The following HHIPL1 variants were observed in gnomAD, a reference collection of about 807,000 sequenced individuals.
HHIPL1 encodes the protein HHIP like 1, also known as HHIP-like protein 1.
Under a neutral mutation model 61.8 loss-of-function variants are expected in HHIPL1, and 43 were observed. The observed-to-expected ratio is 0.70, with a 90% CI of 0.55 to 0.90. The LOEUF (loss-of-function observed/expected upper bound fraction) is 0.90, where lower values mean the gene tolerates loss of function less well. HHIPL1 is among the 40% of genes least tolerant of loss of function. The pLI, the probability that HHIPL1 is intolerant of heterozygous loss-of-function variation, is 0.00. For synonymous variants in HHIPL1, 482 were observed against 515.8 expected (o/e 0.93, Z 0.89); for missense variants, 1,056 against 1,157.7 (o/e 0.91, Z 1.28).
At chr14:99,604,618 A>G in the HHIPL1 span, 148 of 152,032 alleles carry the variant, frequency 9.7e-4, no homozygotes, top group African/African-American at 3.5e-3. Flanking sequence ...AAATGCAGGT[A>G]CGGCTGCGGG....
intron 6 of HHIPL1, among the ~76,000 whole-genome samples, chr14:99,664,316 C>T (rs936911508): frequency 1.3e-5 from 2 of 152,234 alleles, no homozygotes; most frequent in Admixed American, 1.3e-4. Context: ...TCCAAAAAGG[C>T]AGCCCCCAGC....
At chr14:99,654,972 G>A (rs551396041) in intron 2 of HHIPL1, among the ~76,000 whole-genome samples, 1 of 152,286 alleles carries the variant, frequency 6.6e-6, no homozygotes, top group Admixed American at 6.5e-5. Context: ...TTTCAGAGTG[G>A]GGGCTCAGCA....
intron 1 of HHIPL1, among the ~76,000 whole-genome samples, chr14:99,645,704 C>G (rs1445043353): frequency 6.6e-6 from 1 of 152,222 alleles, no homozygotes; most frequent in Non-Finnish European, 1.5e-5. Context: ...CCTCCTGAAG[C>G]AGGAAGGACG....
At chr14:99,673,892 G>A (rs1458460500) in intron 8 of HHIPL1, among the ~76,000 whole-genome samples, 2 of 126,282 alleles carry the variant, frequency 1.6e-5, no homozygotes, top group Non-Finnish European at 3.4e-5. Flanking sequence ...GTGCACCTGG[G>A]GGAGTGCACT....
chr14:99,670,325 T>C (rs780515499), intron 7 of HHIPL1, among the ~76,000 whole-genome samples: 3 of 152,238 alleles, frequency 2.0e-5, no homozygotes, highest in South Asian at 2.1e-4. Context: ...TTGGCTAGGC[T>C]GGTCTTAAAC....
rs2056384996 is a variant in HHIPL1 at position 99,675,745 on chromosome 14, G to A, written c.*119G>A. On this transcript the variant is annotated 3_prime_UTR_variant, in exon 9 of 9. Transcript: ENST00000330710. The surrounding 1 kb of genome is among the most constrained non-coding windows in gnomAD (Gnocchi z 5.4). ...TAGAGTGAAGGGGGTGCGGGTGTGT[G>A]CTGTCCTGGGGACATGTGTGAGGCG... 10 of 1,050,028 alleles carry A rather than the reference G, an allele frequency of 9.5e-6. No individual in the cohort carries two copies. The highest frequency in any genetic ancestry group is 1.3e-5 in the Non-Finnish European group (10 of 752,918). 65.0% of individuals were successfully genotyped at this position (1,050,028 alleles called of 1,614,324 possible). A position where few individuals can be genotyped will look rare whatever the true frequency, so the allele number is the denominator to read the frequency against.
chr14:99,631,264 G>C, the HHIPL1 span, among the ~76,000 whole-genome samples: 1 of 151,818 alleles, frequency 6.6e-6, no homozygotes, highest in Non-Finnish European at 1.5e-5. Flanking sequence ...ACCCGGCTAA[G>C]TTTTGTATTT....
the HHIPL1 span, among the ~76,000 whole-genome samples, chr14:99,609,441 A>G: frequency 6.6e-6 from 1 of 152,222 alleles, no homozygotes; most frequent in Non-Finnish European, 1.5e-5. Context: ...TGAAACAAGG[A>G]TTGTCCAGGA....
the HHIPL1 span, among the ~76,000 whole-genome samples, chr14:99,626,373 C>T: frequency 6.6e-6 from 1 of 152,200 alleles, no homozygotes; most frequent in Non-Finnish European, 1.5e-5. Flanking sequence ...CATCAGGATT[C>T]CAGCTGGATC....
At chr14:99,663,627 G>A (rs1273962059) in intron 6 of HHIPL1, among the ~76,000 whole-genome samples, 1 of 152,156 alleles carries the variant, frequency 6.6e-6, no homozygotes, top group Middle Eastern at 3.2e-3. Flanking sequence ...AACCCAGTAG[G>A]TTTCAGCCTT....
At position 99,672,397 on chromosome 14, in the gene HHIPL1, AAAGT is replaced by A. The variant is rs1198714971; in HGVS notation, c.1813+3_1813+6del. On this transcript the variant is annotated splice_donor_variant and coding_sequence_variant, in exon 8 of 9. Coordinates refer to ENST00000330710, the MANE Select transcript of HHIPL1 (RefSeq NM_001127258.3). LOFTEE classifies it high-confidence loss of function. Reference sequence around the variant, plus strand: ...CGTCTCATCCCCTTTGTGCCCAAAGAAAGTAAGTGCCTGCCAGTGGGACACTGAG... The same window carrying A: ...CGTCTCATCCCCTTTGTGCCCAAAGAAAGTGCCTGCCAGTGGGACACTGAG... 6.4e-7 allele frequency: 1 copy of A among 1,550,684 alleles called. No individual in the cohort carries two copies. The highest frequency in any genetic ancestry group is 8.7e-7 in the Non-Finnish European group (1 of 1,146,630).
At chr14:99,654,452 G>T (rs2055995034) in intron 2 of HHIPL1, among the ~76,000 whole-genome samples, 1 of 152,176 alleles carries the variant, frequency 6.6e-6, no homozygotes, top group African/African-American at 2.4e-5. Context: ...AAACCCCAGT[G>T]CTCCTCCCTC....
At position 99,675,213 on chromosome 14, in the gene HHIPL1, C is replaced by T. The variant is rs989404654; in HGVS notation, c.1936C>T (p.Gln646Ter). 3.4e-6 allele frequency: 4 copies of T among 1,184,240 alleles called. No homozygotes were observed. The highest frequency in any genetic ancestry group is 3.1e-6 in the Non-Finnish European group (3 of 954,414). The allele number at this position is 1,184,240 out of a possible 1,614,324, so 73.4% of individuals were successfully genotyped here. Residue 646 changes from glutamine to a stop codon, truncating the protein, a stop_gained, in exon 9 of 9, where the codon CAG becomes TAG. Coordinates refer to ENST00000330710, the MANE Select transcript of HHIPL1 (RefSeq NM_001127258.3). LOFTEE classifies it low-confidence loss of function (END_TRUNC). The surrounding 1 kb of genome is among the most constrained non-coding windows in gnomAD (Gnocchi z 5.4). The part of the protein sequence containing the change: ...APTPRPARPT[Q>*]QPGSRRGGGR... ...AACCCCGCGGCCAGCGCGGCCCACC[C>T]AGCAGCCAGGGAGCCGGAGGGGCGG...
chr14:99,622,692 T>A, the HHIPL1 span, among the ~76,000 whole-genome samples: 3 of 152,092 alleles, frequency 2.0e-5, no homozygotes, highest in Non-Finnish European at 4.4e-5. Flanking sequence ...GGGTCCTGAG[T>A]TCCCAAAAAC....
chr14:99,657,957 A>C (rs1167529833), intron 3 of HHIPL1, among the ~76,000 whole-genome samples: 1 of 152,144 alleles, frequency 6.6e-6, no homozygotes, highest in Non-Finnish European at 1.5e-5. Flanking sequence ...ACATACATAC[A>C]TACCTTCACA....
At chr14:99,631,048 TTTTCTTTCTTTCTTTCTTTC>T in the HHIPL1 span, among the ~76,000 whole-genome samples, 1,811 of 120,490 alleles carry the variant, frequency 0.015, 28 homozygotes, top group South Asian at 0.078. Flanking sequence ...AGTGGCTCCA[TTTTCTTTCTTTCTTTCTTTC>T]TTTCTTTCTT....
chr14:99,673,122 G>A (rs2056343404), intron 8 of HHIPL1, among the ~76,000 whole-genome samples: 2 of 152,162 alleles, frequency 1.3e-5, no homozygotes, highest in Admixed American at 6.5e-5. Flanking sequence ...AGCAGGCCAA[G>A]TGGGCTCAGC....
At chr14:99,643,046 T>C (rs113513964), upstream of HHIPL1, among the ~76,000 whole-genome samples, 13 of 152,008 alleles carry the variant, frequency 8.6e-5, no homozygotes, top group Non-Finnish European at 1.8e-4. Flanking sequence ...ACTGACTTTT[T>C]TTTTTCTTTT....
intron 1 of HHIPL1, among the ~76,000 whole-genome samples, chr14:99,646,832 G>A (rs7493058): frequency 0.55 from 62,651 of 113,746 alleles, 15,283 homozygotes; most frequent in Middle Eastern, 0.69. Flanking sequence ...GATATGATAT[G>A]ATATAATATA....
Sources: gnomAD v4.1 joint callset for allele counts (sites outside exome capture counted in the v4.1 genomes callset) on GRCh38, gnomAD v4.1.1 for gene constraint, Gnocchi (gnomAD v3.1) non-coding constraint, MANE v1.5 for transcripts, NCBI Gene and HGNC (gene_info 2026-07-23, HGNC 2026-07-21) for gene names.